CCDC18: variants seen among roughly 807,000 people sequenced by gnomAD.
The protein encoded by CCDC18 is coiled-coil domain-containing protein 18.
In CCDC18, 157 loss-of-function variants were observed where a neutral mutation model predicts 196.0. That is an observed-to-expected ratio of 0.80 (90% CI 0.70 to 0.91). The LOEUF (loss-of-function observed/expected upper bound fraction) is 0.91, where lower values mean the gene tolerates loss of function less well. Among genes scored for constraint, CCDC18 ranks in the 40% least tolerant of loss-of-function variants. The pLI, the probability that CCDC18 is intolerant of heterozygous loss-of-function variation, is 0.00. For synonymous variants in CCDC18, 482 were observed against 529.2 expected (o/e 0.91, Z 1.22); for missense variants, 1,465 against 1,611.6 (o/e 0.91, Z 1.56).
In CCDC18 at chr1:93,232,484, A is replaced by G. The variant is rs772444293; in HGVS notation, c.2351A>G (p.Glu784Gly). 3 of 1,612,560 alleles carry G rather than the reference A, an allele frequency of 1.9e-6. No individual in the cohort carries two copies. The highest frequency in any genetic ancestry group is 2.5e-6 in the Non-Finnish European group (3 of 1,178,934). Residue 784 changes from glutamate to glycine, a missense_variant, in exon 18 of 29, where the codon GAG becomes GGG. Coordinates refer to ENST00000690025, the MANE Select transcript of CCDC18 (RefSeq NM_001378204.1). ...AATCACAGTCTTCAAGAGACTTCTG[A>G]GCAAAACGTTATTCTACAGCATACT... Reference protein sequence around the residue: ...IKNHSLQETSEQNVILQHTLQ... With the variant: ...IKNHSLQETSGQNVILQHTLQ...
intron 9 of CCDC18, among the ~76,000 whole-genome samples, chr1:93,209,277 T>C (rs1201369457): frequency 6.6e-6 from 1 of 152,186 alleles, no homozygotes; most frequent in African/African-American, 2.4e-5. Flanking sequence ...TTTATAATAA[T>C]GGTCTACCAC....
At chr1:93,249,430 ATTGT>A (rs1661946032) in intron 23 of CCDC18, among the ~76,000 whole-genome samples, 1 of 151,802 alleles carries the variant, frequency 6.6e-6, no homozygotes, top group Admixed American at 6.6e-5. Flanking sequence ...TATCCTCTGT[ATTGT>A]TTTATAGTCT....
At chr1:93,196,723 T>C (rs969016141) in intron 6 of CCDC18, among the ~76,000 whole-genome samples, 1 of 152,228 alleles carries the variant, frequency 6.6e-6, no homozygotes. Context: ...TATGGAACCA[T>C]GTAGTCAACA....
chr1:93,277,905 G>A (rs560624916), intron 28 of CCDC18, among the ~76,000 whole-genome samples: 9 of 151,428 alleles, frequency 5.9e-5, no homozygotes, highest in Admixed American at 6.6e-5. Flanking sequence ...TCCTTTTTTC[G>A]AGTTTTAAAA....
At chr1:93,245,773 G>T (rs1661421435) in intron 21 of CCDC18, among the ~76,000 whole-genome samples, 1 of 152,024 alleles carries the variant, frequency 6.6e-6, no homozygotes, top group African/African-American at 2.4e-5. Flanking sequence ...TTTGATCTGT[G>T]TATGAAAAAA....
rs1489022814 is a variant in CCDC18, at chr1:93,217,847, A to T, written c.1940A>T (p.Glu647Val). 1 of 1,611,446 alleles carries T rather than the reference A, an allele frequency of 6.2e-7. No individual in the cohort carries two copies. Among genetic ancestry groups the T allele is most frequent in the African/African-American group, 1.3e-5 (1 of 74,734 alleles). Residue 647 changes from glutamate to valine, a missense_variant, in exon 14 of 29, where the codon GAA becomes GTA. By Grantham distance (121) the Glu-to-Val change is moderately radical (BLOSUM62 -2). Transcript: ENST00000690025. ...AAAATTCACTTGGAACAGCATAAAG[A>T]AATGGAAAAGCAGATTGAAAGAGTA... Reference protein sequence around the residue: ...AKKIHLEQHKEMEKQIERLEA... With the variant: ...AKKIHLEQHKVMEKQIERLEA...
rs376916371 is a variant in CCDC18 at position 93,257,241 on chromosome 1, A to C, written c.3546+703A>C. 4.4e-5 allele frequency among the ~76,000 whole-genome samples: 6 copies of C among 137,236 alleles called. No individual in the cohort carries two copies. In the East Asian group the frequency reaches 6.3e-4, roughly 14 times the overall value. The allele number at this position is 137,236 out of a possible 152,430, so 90.0% of individuals were successfully genotyped here. A position where few individuals can be genotyped will look rare whatever the true frequency, so the allele number is the denominator to read the frequency against. On this transcript the variant is annotated intron_variant, in intron 25 of 28. Transcript: ENST00000690025. ...AGCAAGACTCCATCTCAAAAAAAAA[A>C]AAAAAAAAAAAAAAAAAACATGAAA...
Position 93,207,362 on chromosome 1 carries a change from A to G in CCDC18, c.1173A>G (p.Glu391=), listed in dbSNP as rs1654872391. ...CQQEIESSRV[E]LRSLEKIISQ... ...AAGAAATTGAAAGTTCAAGGGTAGA[A>G]CTAAGAAGTTTGGAAAAGATTATAT... The change falls in exon 9 of 29, where the codon GAA becomes GAG. Residue 391 remains glutamate, a synonymous_variant. Transcript: ENST00000690025. The G allele has an allele frequency of 6.2e-7, 1 of 1,606,508 alleles. No individual in the cohort carries two copies. The highest frequency in any genetic ancestry group is 1.7e-5 in the Admixed American group (1 of 59,084).
In CCDC18 at chr1:93,214,949, A is replaced by G. The variant is rs762814345; in HGVS notation, c.1702A>G (p.Ser568Gly). The G allele has an allele frequency of 1.9e-6, 3 of 1,599,456 alleles. No individual in the cohort carries two copies. Among genetic ancestry groups the G allele is most frequent in the South Asian group, 2.2e-5 (2 of 89,300 alleles). ...EELLEKASNSSKLESEMTKKC... is the reference protein window; with the variant it reads ...EELLEKASNSGKLESEMTKKC... The stretch of plus-strand genomic sequence containing the variant: ...GCTGCTAGAGAAAGCTTCAAACTCC[A>G]GCAAACTGGAAAGTGAAGTAAGCTT... Residue 568 changes from serine to glycine, a missense_variant, in exon 12 of 29, where the codon AGC becomes GGC. By Grantham distance (56) the Ser-to-Gly change is moderately conservative. Coordinates refer to ENST00000690025, the MANE Select transcript of CCDC18 (RefSeq NM_001378204.1).
upstream of CCDC18, chr1:93,179,913 G>T: frequency 2.2e-6 from 2 of 895,770 alleles, no homozygotes; most frequent in Non-Finnish European, 3.3e-6. Context: ...TCGCGCGCCT[G>T]CGCGGAGCGG....
rs557911508 is a variant in CCDC18, at chr1:93,207,110, G to C, written c.921G>C (p.Gln307His). 9 of 1,450,638 alleles carry C rather than the reference G, an allele frequency of 6.2e-6. No homozygotes were observed. The highest frequency in any genetic ancestry group is 1.4e-5 in the African/African-American group (1 of 70,534). 89.9% of individuals were successfully genotyped at this position (1,450,638 alleles called of 1,614,324 possible). A position where few individuals can be genotyped will look rare whatever the true frequency, so the allele number is the denominator to read the frequency against. Residue 307 changes from glutamine to histidine, a missense_variant, in exon 9 of 29, where the codon CAG becomes CAC. Transcript: ENST00000690025. The stretch of plus-strand genomic sequence containing the variant: ...TTTTATTCTCTTTTCTTCATAGGCA[G>C]TTAAAAGAAGAAAATAACAACGGAA... ...ELEILKEKLR[Q>H]LKEENNNGKE... is the part of the protein sequence containing the mutation.
At chr1:93,249,662 G>A (rs622608) in intron 23 of CCDC18, among the ~76,000 whole-genome samples, 75,864 of 151,918 alleles carry the variant, frequency 0.5, 22,299 homozygotes, top group African/African-American at 0.83. Context: ...TCCAGAATAT[G>A]TAATATGTTA....
chr1:93,208,512 G>T (rs533947445), intron 9 of CCDC18, among the ~76,000 whole-genome samples: 46 of 151,934 alleles, frequency 3.0e-4, no homozygotes, highest in Admixed American at 8.5e-4. Flanking sequence ...GGTCAAACGG[G>T]TCTCGAACTC....
intron 28 of CCDC18, among the ~76,000 whole-genome samples, chr1:93,273,983 T>C (rs1178920407): frequency 6.6e-6 from 1 of 152,226 alleles, no homozygotes; most frequent in Non-Finnish European, 1.5e-5. Flanking sequence ...ATTATCCTTA[T>C]GATATGAGGA....
intron 1 of CCDC18, among the ~76,000 whole-genome samples, chr1:93,182,068 G>A (rs962206892): frequency 6.6e-6 from 1 of 152,188 alleles, no homozygotes; most frequent in African/African-American, 2.4e-5. Flanking sequence ...ATGTTGAATA[G>A]GTAAAGCAGG....
intron 25 of CCDC18, 123 bp from the exon 26 acceptor site, chr1:93,258,620 GTTAAC>G: frequency 1.6e-6 from 1 of 625,992 alleles, no homozygotes; most frequent in Non-Finnish European, 2.5e-6. Context: ...TATTTAGTAA[GTTAAC>G]TTTGTGTCTG....
intron 21 of CCDC18, among the ~76,000 whole-genome samples, chr1:93,243,758 A>G (rs190996709): frequency 1.3e-5 from 2 of 152,342 alleles, no homozygotes; most frequent in Admixed American, 1.3e-4. Flanking sequence ...CTAAAACTTA[A>G]GAGTCACCTT....
intron 23 of CCDC18, among the ~76,000 whole-genome samples, chr1:93,247,643 T>C (rs1661660531): frequency 6.6e-6 from 1 of 152,078 alleles, no homozygotes; most frequent in East Asian, 1.9e-4. Context: ...CTCAAACTCC[T>C]GGGCTCAAGC....
chr1:93,186,233 T>C, intron 3 of CCDC18, 112 bp from the exon 4 acceptor site: 1 of 979,798 alleles, frequency 1.0e-6, no homozygotes, highest in Non-Finnish European at 1.5e-6. Flanking sequence ...TTTAACTCAT[T>C]TTCTGAGCTG....
Sources: gnomAD v4.1 joint callset for allele counts (sites outside exome capture counted in the v4.1 genomes callset) on GRCh38, gnomAD v4.1.1 for gene constraint, MANE v1.5 for transcripts, NCBI Gene and HGNC (gene_info 2026-07-23, HGNC 2026-07-21) for gene names.